Variants in SELENOW observed in about 807,000 individuals in gnomAD.
SELENOW encodes selenoprotein W, 1.
A neutral mutation model predicts 16.6 loss-of-function variants in SELENOW; 20 were observed. The observed-to-expected ratio is 1.21, with a 90% CI of 0.85 to 1.76. SELENOW has a LOEUF of 1.76. SELENOW is among the 40% of genes most tolerant of loss of function. The probability of loss-of-function intolerance (pLI) is 0.00; values close to 1 mark genes in which losing one functional copy is unlikely to be tolerated. For synonymous variants in SELENOW, 44 were observed against 46.2 expected, an observed-to-expected ratio of 0.95 and a Z score of 0.19; for missense variants, 124 against 111.0, an observed-to-expected ratio of 1.12 and a Z score of -0.53.
At chr19:47,781,792 G>A (rs1967480632) in intron 5 of SELENOW, among the ~76,000 whole-genome samples, 1 of 150,992 alleles carries the variant, frequency 6.6e-6, no homozygotes, top group African/African-American at 2.4e-5. Flanking sequence ...TGAGTCAGAG[G>A]TGTGCAGGAT....
At chr19:47,780,662 C>T in intron 1 of SELENOW, 63 bp from the exon 2 acceptor site, 1 of 1,457,012 alleles carries the variant, frequency 6.9e-7, no homozygotes, top group South Asian at 1.2e-5. Flanking sequence ...CTACCCTCCT[C>T]TCCCCGATCC....
chr19:47,781,369 A>G lies in SELENOW; in HGVS notation c.263A>G (p.Ter88=), dbSNP rs768026449. ...ATCAAAGCCGCCTTGGCTCAGGGCTAATGCGCCCTGAAGGCAGAGGTGAGG... is the reference window on the plus strand; with the variant it reads ...ATCAAAGCCGCCTTGGCTCAGGGCTGATGCGCCCTGAAGGCAGAGGTGAGG... ...AAIKAALAQG[*] Residue 88 remains the stop codon, a stop_retained_variant, in exon 5 of 6, where the codon TAA becomes TGA. Transcript: ENST00000601048. 6.3e-6 allele frequency: 10 copies of G among 1,584,408 alleles called. No individual in the cohort carries two copies. The highest frequency in any genetic ancestry group is 8.6e-6 in the Non-Finnish European group (10 of 1,161,726).
chr19:47,779,848 A>G (rs10419141), intron 1 of SELENOW: 6,824 of 187,476 alleles, frequency 0.036, 460 homozygotes, highest in African/African-American at 0.15. Flanking sequence ...TTTTAGTTCT[A>G]TGTTACAGGT....
chr19:47,781,439 C>T, intron 5 of SELENOW, 51 bp downstream of exon 5: 1 of 1,029,050 alleles, frequency 9.7e-7, no homozygotes, highest in Non-Finnish European at 1.5e-6. Context: ...TTCTCCCTGC[C>T]CCATGCTCTG....
At chr19:47,781,025 G>T (rs759646059) in intron 3 of SELENOW, 83 bp from the exon 4 acceptor site, 3 of 1,555,650 alleles carry the variant, frequency 1.9e-6, no homozygotes, top group Non-Finnish European at 2.7e-6. Context: ...CTTCACCCAT[G>T]TTCTCATCCC....
intron 5 of SELENOW, 130 bp downstream of exon 5, chr19:47,781,518 G>A: frequency 1.6e-6 from 1 of 635,058 alleles, no homozygotes; most frequent in East Asian, 2.7e-5. Flanking sequence ...GAGCGAGCGG[G>A]ATAAAGTTAG....
intron 5 of SELENOW, chr19:47,782,052 A>G (rs761179599): frequency 6.3e-4 from 99 of 156,282 alleles, no homozygotes; most frequent in Non-Finnish European, 1.6e-4. Flanking sequence ...TAGCAACCCA[A>G]CGGTTCAGAA....
rs1967464131 is a variant in SELENOW, at chr19:47,780,755, C to T, written c.54+6C>T. 6.4e-7 allele frequency: 1 copy of T among 1,554,080 alleles called. No homozygotes were observed. The highest frequency in any genetic ancestry group is 1.4e-5 in the African/African-American group (1 of 72,442). On this transcript the variant is annotated splice_donor_region_variant and intron_variant, in intron 2 of 5. Transcript: ENST00000601048. ...CTTGAGGCTACAAGTCCAAGGTAAGCAGAGTGGATGCCCGGGGGGCATTCC... is the reference window on the plus strand; with the variant it reads ...CTTGAGGCTACAAGTCCAAGGTAAGTAGAGTGGATGCCCGGGGGGCATTCC...
chr19:47,779,818 AAG>A, intron 1 of SELENOW: 1 of 175,794 alleles, frequency 5.7e-6, no homozygotes, highest in East Asian at 1.6e-4. Flanking sequence ...CAAAAAAAAA[AAG>A]TAAATTAAAG....
rs1967436540 is a variant in SELENOW at position 47,778,783 on chromosome 19, G to C, written c.-3G>C. The C allele has an allele frequency of 5.0e-6, 8 of 1,605,180 alleles. No individual in the cohort carries two copies. The highest frequency in any genetic ancestry group is 1.3e-5 in the African/African-American group (1 of 74,826). The stretch of plus-strand genomic sequence containing the variant: ...TCCTCAGCGGATGTGGCAGCCCCGA[G>C]CCATGGCTCTCGCCGTCCGAGTCGT... On this transcript the variant is annotated 5_prime_UTR_variant, in exon 1 of 6. Coordinates refer to ENST00000601048, the MANE Select transcript of SELENOW (RefSeq NM_003009.4).
Position 47,778,823 on chromosome 19 carries a change from A to G in SELENOW, c.29+9A>G. On this transcript the variant is annotated intron_variant, in intron 1 of 5. Coordinates refer to ENST00000601048, the MANE Select transcript of SELENOW (RefSeq NM_003009.4). ...GTCCGAGTCGTTTATTGGTAAGCCC[A>G]GCGGCCAGCGGCCCCCGTCCCCGAC... The G allele has an allele frequency of 3.8e-6, 6 of 1,594,656 alleles. No individual in the cohort carries two copies. The highest frequency in any genetic ancestry group is 2.3e-5 in the East Asian group (1 of 43,654).
rs2123697682 is a variant in SELENOW at position 47,781,331 on chromosome 19, G to A, written c.225G>A (p.Lys75=). ...TGGACACAGAAAGCAAGTTTCTGAA[G>A]TTGGTGGCCGCCATCAAAGCCGCCT... ...GYVDTESKFL[K]LVAAIKAALA... is the part of the protein sequence containing the mutation. The change falls in exon 5 of 6, where the codon AAG becomes AAA. Residue 75 remains lysine (K), a synonymous_variant. Transcript: ENST00000601048. 1 of 1,612,284 alleles carries A rather than the reference G, an allele frequency of 6.2e-7. No individual in the cohort carries two copies. Among genetic ancestry groups the A allele is most frequent in the South Asian group, 1.1e-5 (1 of 90,980 alleles).
intron 2 of SELENOW, 44 bp downstream of exon 2, chr19:47,780,793 A>AG: frequency 6.3e-7 from 1 of 1,593,112 alleles, no homozygotes; most frequent in South Asian, 1.1e-5. Context: ...GGAGCTGGGG[A>AG]GGGGTAGAGT....
intron 1 of SELENOW, 53 bp from the exon 2 acceptor site, chr19:47,780,672 C>T (rs1230353741): frequency 6.6e-6 from 10 of 1,513,386 alleles, no homozygotes; most frequent in East Asian, 2.5e-5. Flanking sequence ...CTCCCCGATC[C>T]CCCACTTCTC....
Position 47,780,917 on chromosome 19 carries a change from C to G in SELENOW, c.108C>G (p.Ile36Met), listed in dbSNP as rs759329555. 11 of 1,613,248 alleles carry G rather than the reference C, an allele frequency of 6.8e-6. No individual in the cohort carries two copies. Among genetic ancestry groups the G allele is most frequent in the African/African-American group, 2.7e-5 (2 of 74,848 alleles). Residue 36 changes from isoleucine (I) to methionine (M), a missense_variant and splice_region_variant, in exon 3 of 6, where the codon ATC becomes ATG. Ile to Met is a conservative substitution (Grantham distance 10). Coordinates refer to ENST00000601048, the MANE Select transcript of SELENOW (RefSeq NM_003009.4). ...LEDEFPGRLD[I>M]CGEGTPQATG... The stretch of plus-strand genomic sequence containing the variant: ...ATGAGTTCCCCGGCCGCCTGGACAT[C>G]GTGAGTCTTGGGATGGGGAGAAAGA...
chr19:47,783,848 G>A (rs1967502942), intron 5 of SELENOW: 1 of 152,104 alleles, frequency 6.6e-6, no homozygotes, highest in African/African-American at 2.4e-5. Flanking sequence ...TGAATGCATT[G>A]TGGACTGTTG....
chr19:47,780,435 C>T (rs1967459612), intron 1 of SELENOW: 1 of 520,390 alleles, frequency 1.9e-6, no homozygotes, highest in African/African-American at 1.9e-5. Context: ...CCTCTCTCCC[C>T]TTTTTCCCCT....
rs773606320 is a variant in SELENOW, at chr19:47,781,340, C to T, written c.234C>T (p.Ala78=). The part of the protein sequence containing the change: ...DTESKFLKLV[A]AIKAALAQG The stretch of plus-strand genomic sequence containing the variant: ...AAAGCAAGTTTCTGAAGTTGGTGGC[C>T]GCCATCAAAGCCGCCTTGGCTCAGG... The change falls in exon 5 of 6, where the codon GCC becomes GCT. Residue 78 remains alanine (A), a synonymous_variant. Transcript: ENST00000601048. The T allele has an allele frequency of 1.1e-5, 17 of 1,610,246 alleles. No individual in the cohort carries two copies. The highest frequency in any genetic ancestry group is 1.6e-4 in the Middle Eastern group (1 of 6,080).
chr19:47,782,346 A>G (rs1568608440), intron 5 of SELENOW: 2 of 152,192 alleles, frequency 1.3e-5, no homozygotes, highest in Non-Finnish European at 2.9e-5. Context: ...GTCTGCTCCA[A>G]AAAAACCCTA....
Sources: allele counts gnomAD v4.1 joint callset (sites outside exome capture counted in the v4.1 genomes callset), GRCh38; gene constraint gnomAD v4.1.1; transcripts MANE v1.5; gene names NCBI Gene and HGNC (gene_info 2026-07-23, HGNC 2026-07-21).